BMAL2: variants seen among roughly 807,000 people sequenced by gnomAD.
BMAL2 encodes the protein basic helix-loop-helix ARNT-like protein 2.
At chr12:27,380,151 G>T in the BMAL2 span, 1 of 1,246,666 alleles carries the variant, frequency 8.0e-7, no homozygotes, top group Non-Finnish European at 1.1e-6. Context: ...AACAGTGTGT[G>T]CCTGCTGGGC....
At chr12:27,332,848 G>T in the BMAL2 span, 2 of 180,124 alleles carry the variant, frequency 1.1e-5, no homozygotes, top group Non-Finnish European at 2.3e-5. Flanking sequence ...AGCGGCGGGC[G>T]GCTGGCTCCA....
At chr12:27,394,951 C>T in the BMAL2 span, among the ~76,000 whole-genome samples, 2 of 152,370 alleles carry the variant, frequency 1.3e-5, no homozygotes, top group South Asian at 4.1e-4. Context: ...CACCAGAACC[C>T]AGCCCTGCTG....
the BMAL2 span, among the ~76,000 whole-genome samples, chr12:27,360,817 A>AAAAAAAAAAAAAAC: frequency 6.7e-6 from 1 of 149,590 alleles, no homozygotes; most frequent in Non-Finnish European, 1.5e-5. Context: ...AAAAAAAAAA[A>AAAAAAAAAAAAAAC]AAAAAAAACA....
the BMAL2 span, among the ~76,000 whole-genome samples, chr12:27,410,225 C>T: frequency 8.5e-5 from 13 of 152,140 alleles, no homozygotes; most frequent in Non-Finnish European, 1.5e-4. Context: ...TACCATTTGA[C>T]CCAGCAATCC....
the BMAL2 span, among the ~76,000 whole-genome samples, chr12:27,378,319 G>C: frequency 2.6e-5 from 4 of 152,236 alleles, no homozygotes; most frequent in African/African-American, 9.6e-5. Flanking sequence ...AATAAGGGTA[G>C]TGGTATGAAA....
At chr12:27,380,929 T>C in the BMAL2 span, among the ~76,000 whole-genome samples, 2 of 151,602 alleles carry the variant, frequency 1.3e-5, no homozygotes, top group East Asian at 3.9e-4. Context: ...GAGGTTGCAG[T>C]GAGCAGTAAT....
the BMAL2 span, among the ~76,000 whole-genome samples, chr12:27,334,838 T>A: frequency 1.3e-5 from 2 of 152,258 alleles, no homozygotes; most frequent in Non-Finnish European, 2.9e-5. Context: ...GGGGTGCTTC[T>A]GTTAGTCTTA....
the BMAL2 span, among the ~76,000 whole-genome samples, chr12:27,408,839 A>G: frequency 1.3e-5 from 2 of 152,220 alleles, no homozygotes; most frequent in Non-Finnish European, 2.9e-5. Flanking sequence ...GTATATCTAG[A>G]AAACCCCATT....
chr12:27,378,945 C>T, the BMAL2 span, among the ~76,000 whole-genome samples: 11 of 152,062 alleles, frequency 7.2e-5, no homozygotes, highest in South Asian at 2.1e-4. Flanking sequence ...GGTATCCAAT[C>T]GTTTGGTTTC....
At chr12:27,341,632 T>C in the BMAL2 span, among the ~76,000 whole-genome samples, 1 of 152,230 alleles carries the variant, frequency 6.6e-6, no homozygotes. Context: ...CCACATTTAT[T>C]CGGCATAATG....
At chr12:27,366,232 G>C in the BMAL2 span, among the ~76,000 whole-genome samples, 2 of 152,102 alleles carry the variant, frequency 1.3e-5, no homozygotes, top group African/African-American at 4.8e-5. Context: ...TATATTGTCA[G>C]TCTTTATAAA....
the BMAL2 span, among the ~76,000 whole-genome samples, chr12:27,333,967 C>G: frequency 1.3e-5 from 2 of 152,154 alleles, no homozygotes; most frequent in African/African-American, 4.8e-5. Context: ...GGCAGGAAAA[C>G]AGAAATAACT....
At chr12:27,401,933 C>T in the BMAL2 span, among the ~76,000 whole-genome samples, 1 of 152,182 alleles carries the variant, frequency 6.6e-6, no homozygotes, top group Non-Finnish European at 1.5e-5. Context: ...CAAGCATTTT[C>T]TTCCTACCCT....
chr12:27,371,385 A>G, the BMAL2 span, among the ~76,000 whole-genome samples: 1 of 152,070 alleles, frequency 6.6e-6, no homozygotes, highest in Non-Finnish European at 1.5e-5. Context: ...AGAAGAAGAG[A>G]GTCTACAGAG....
the BMAL2 span, among the ~76,000 whole-genome samples, chr12:27,341,702 A>T: frequency 6.6e-6 from 1 of 152,150 alleles, no homozygotes. Context: ...CGTGCTCCAG[A>T]TATGCTCGCA....
the BMAL2 span, among the ~76,000 whole-genome samples, chr12:27,379,914 A>C: frequency 6.6e-6 from 1 of 152,156 alleles, no homozygotes; most frequent in Non-Finnish European, 1.5e-5. Flanking sequence ...CAAATACCAG[A>C]GAATAGTTAG....
the BMAL2 span, among the ~76,000 whole-genome samples, chr12:27,336,970 A>T: frequency 6.8e-6 from 1 of 147,360 alleles, no homozygotes; most frequent in East Asian, 2.0e-4. Context: ...AAAAAAAAAA[A>T]GTATTTTAAA....
At chr12:27,405,718 CT>C in the BMAL2 span, among the ~76,000 whole-genome samples, 1 of 152,174 alleles carries the variant, frequency 6.6e-6, no homozygotes, top group Non-Finnish European at 1.5e-5. Flanking sequence ...AACGCAGCTC[CT>C]TACCAGCAAT....
the BMAL2 span, among the ~76,000 whole-genome samples, chr12:27,385,082 G>T: frequency 6.6e-6 from 1 of 152,220 alleles, no homozygotes; most frequent in Non-Finnish European, 1.5e-5. Flanking sequence ...GGGAGGCTGA[G>T]GTGAGTGGAT....
Sources: allele counts gnomAD v4.1 joint callset (sites outside exome capture counted in the v4.1 genomes callset), GRCh38; gene constraint gnomAD v4.1.1; transcripts MANE v1.5; gene names NCBI Gene and HGNC (gene_info 2026-07-23, HGNC 2026-07-21).